Variants in VIRMA observed in about 807,000 individuals in gnomAD.
VIRMA encodes protein virilizer homolog.
VIRMA carries 65 observed loss-of-function variants against 182.4 expected under a neutral mutation model. The observed-to-expected ratio is 0.36, with a 90% CI of 0.29 to 0.44. The LOEUF (loss-of-function observed/expected upper bound fraction) is 0.44, where lower values mean the gene tolerates loss of function less well. Among genes scored for constraint, VIRMA ranks in the 20% least tolerant of loss-of-function variants. VIRMA has a pLI of 1.00. For synonymous variants in VIRMA, 709 were observed against 743.1 expected (o/e 0.95, Z 0.75); for missense variants, 1,752 against 2,158.1 (o/e 0.81, Z 3.73).
chr8:94,512,214 T>A, intron 11 of VIRMA, 125 bp from the exon 12 acceptor site: 2 of 364,596 alleles, frequency 5.5e-6, no homozygotes, highest in Non-Finnish European at 4.9e-6. Flanking sequence ...ATTTTATATT[T>A]ATTAAGTAAA....
At chr8:94,524,584 C>T (rs531141542) in intron 8 of VIRMA, among the ~76,000 whole-genome samples, 46 of 152,274 alleles carry the variant, frequency 3.0e-4, no homozygotes, top group East Asian at 5.8e-4. Context: ...GGATTACAGG[C>T]GTGAGCCACC....
At chr8:94,497,392 C>G (rs1813816055) in intron 17 of VIRMA, 1 of 152,200 alleles carries the variant, frequency 6.6e-6, no homozygotes, top group African/African-American at 2.4e-5. Flanking sequence ...TGTGAGCCAC[C>G]TTGCCTAACC....
rs568175870 is a variant in VIRMA at position 94,550,870 on chromosome 8, C to A, written c.63+2515G>T. Among the ~76,000 whole-genome samples, 13 of 152,164 alleles carry A rather than the reference C, an allele frequency of 8.5e-5. 1 individual carries two copies. The South Asian group carries it at 2.3e-3, about 27-fold the overall frequency. On this transcript the variant is annotated intron_variant, in intron 1 of 23. Coordinates refer to ENST00000297591, the MANE Select transcript of VIRMA (RefSeq NM_015496.5). ...AGTAGCTGGGACTATAGACGCACAC[C>A]GCCACGCCCAGCTAATTTTTTGTAT...
chr8:94,523,667 C>T (rs917822841), intron 8 of VIRMA, among the ~76,000 whole-genome samples: 4 of 150,702 alleles, frequency 2.7e-5, no homozygotes, highest in South Asian at 2.1e-4. Context: ...TCGCTCTTGT[C>T]GCCCAGGCAG....
rs1162987038 is a variant in VIRMA, at chr8:94,529,077, T to G, written c.873A>C (p.Glu291Asp). 18 of 1,604,880 alleles carry G rather than the reference T, an allele frequency of 1.1e-5. No individual in the cohort carries two copies. Among genetic ancestry groups the G allele is most frequent in the Non-Finnish European group, 1.5e-5 (17 of 1,171,652 alleles). ...DEEEEGEEDE[E>D]GEGDDGYEQI... ...CTAGCTAACATAACCCACCTTCACC[T>G]TCTTCATCCTCTTCACCTTCTTCCT... Residue 291 changes from glutamate (E) to aspartate (D), a missense_variant, in exon 7 of 24, where the codon GAA becomes GAC. Transcript: ENST00000297591.
chr8:94,529,458 T>TAA, intron 6 of VIRMA, 116 bp from the exon 7 acceptor site: 1 of 578,432 alleles, frequency 1.7e-6, no homozygotes, highest in Non-Finnish European at 3.1e-6. Context: ...TAAATACCCT[T>TAA]AAAAAAAAAG....
intron 19 of VIRMA, among the ~76,000 whole-genome samples, chr8:94,495,420 T>A (rs1330760115): frequency 1.3e-5 from 2 of 152,076 alleles, no homozygotes; most frequent in Non-Finnish European, 2.9e-5. Flanking sequence ...AAAAATTAAG[T>A]ATCCTCAAAA....
At chr8:94,519,849 T>C (rs1468118401) in intron 8 of VIRMA, among the ~76,000 whole-genome samples, 1 of 152,164 alleles carries the variant, frequency 6.6e-6, no homozygotes, top group African/African-American at 2.4e-5. Context: ...AAATATAGTA[T>C]ATACAGTCAG....
chr8:94,535,021 AGGGC>A lies in VIRMA; in HGVS notation c.316-18_316-15del. 2 of 1,555,284 alleles carry A rather than the reference AGGGC, an allele frequency of 1.3e-6. No homozygotes were observed. Among genetic ancestry groups the A allele is most frequent in the African/African-American group, 1.4e-5 (1 of 71,830 alleles). On this transcript the variant is annotated splice_polypyrimidine_tract_variant and intron_variant, in intron 4 of 23. Transcript: ENST00000297591. ...ATCAGTATTCACCTGATTTTCAGGG[AGGGC>A]AAAAAAAATCTTTCAAAGTCATGTT...
At chr8:94,501,519 T>G (rs1813986621) in intron 16 of VIRMA, among the ~76,000 whole-genome samples, 1 of 152,190 alleles carries the variant, frequency 6.6e-6, no homozygotes, top group African/African-American at 2.4e-5. Context: ...AGTAATGAGT[T>G]TGAGACTGCT....
intron 8 of VIRMA, among the ~76,000 whole-genome samples, chr8:94,521,087 T>C (rs533452281): frequency 1.4e-4 from 21 of 151,994 alleles, no homozygotes; most frequent in Admixed American, 1.3e-3. Flanking sequence ...ATGTGCAGAA[T>C]GTGCAGGCTT....
chr8:94,533,847 C>G (rs1191119465), intron 5 of VIRMA: 1 of 152,124 alleles, frequency 6.6e-6, no homozygotes, highest in Non-Finnish European at 1.5e-5. Context: ...TAGCTGGGAA[C>G]ACAGATGCAT....
chr8:94,532,385 G>C (rs934345557), intron 5 of VIRMA, among the ~76,000 whole-genome samples: 4 of 152,230 alleles, frequency 2.6e-5, no homozygotes, highest in African/African-American at 9.6e-5. Context: ...GGGATTACAG[G>C]CGTGAGCCAC....
chr8:94,498,107 G>C (rs952636287), intron 17 of VIRMA: 2 of 152,166 alleles, frequency 1.3e-5, no homozygotes, highest in Non-Finnish European at 2.9e-5. Context: ...GAACTCATAG[G>C]TTCAAGTGAT....
rs1813784517 is a variant in VIRMA at position 94,496,546 on chromosome 8, T to C, written c.4231-66A>G. 4.5e-6 allele frequency: 6 copies of C among 1,336,526 alleles called. No individual in the cohort carries two copies. In the East Asian group the frequency reaches 1.2e-4, roughly 26 times the overall value. 82.8% of individuals were successfully genotyped at this position (1,336,526 alleles called of 1,614,324 possible). On this transcript the variant is annotated intron_variant, in intron 17 of 23. Transcript: ENST00000297591. ...ATTTACAAAGATGCATCCACACTTA[T>C]TCATATTATCTAAGCCATATGCTGC...
At chr8:94,523,738 C>T (rs958380734) in intron 8 of VIRMA, among the ~76,000 whole-genome samples, 1 of 151,848 alleles carries the variant, frequency 6.6e-6, no homozygotes, top group African/African-American at 2.4e-5. Context: ...AAGCGATTCT[C>T]CTGCCTCAGC....
intron 16 of VIRMA, among the ~76,000 whole-genome samples, chr8:94,504,384 T>C (rs560477041): frequency 2.6e-5 from 4 of 152,062 alleles, no homozygotes; most frequent in Non-Finnish European, 5.9e-5. Flanking sequence ...TTCTCAGACA[T>C]ATGAAGCATG....
intron 2 of VIRMA, among the ~76,000 whole-genome samples, chr8:94,543,542 C>G (rs1250009943): frequency 6.6e-6 from 1 of 151,174 alleles, no homozygotes; most frequent in Non-Finnish European, 1.5e-5. Context: ...TTACACCACC[C>G]CAGGATATTT....
intron 7 of VIRMA, among the ~76,000 whole-genome samples, chr8:94,528,045 C>A (rs1172625682): frequency 1.3e-5 from 2 of 151,910 alleles, no homozygotes; most frequent in Non-Finnish European, 2.9e-5. Flanking sequence ...CCAGCCTGGC[C>A]AACATGGTGA....
Sources: allele counts gnomAD v4.1 joint callset (sites outside exome capture counted in the v4.1 genomes callset), GRCh38; gene constraint gnomAD v4.1.1; transcripts MANE v1.5; gene names NCBI Gene and HGNC (gene_info 2026-07-23, HGNC 2026-07-21).